The following P2RX7 variants were observed in gnomAD, a reference collection of about 807,000 sequenced individuals.
P2RX7 encodes the protein P2X purinoceptor 7.
A neutral mutation model predicts 71.6 loss-of-function variants in P2RX7; 62 were observed. That is an observed-to-expected ratio of 0.87 (90% CI 0.71 to 1.07). P2RX7 has a LOEUF of 1.07. Among genes scored for constraint, P2RX7 ranks in the 50% least tolerant of loss-of-function variants. The pLI, the probability that P2RX7 is intolerant of heterozygous loss-of-function variation, is 0.00. For synonymous variants in P2RX7, 299 were observed against 283.3 expected (o/e 1.06, Z -0.56); for missense variants, 686 against 748.5 (o/e 0.92, Z 0.97).
chr12:121,170,620 C>T (rs1470702812), intron 8 of P2RX7, among the ~76,000 whole-genome samples: 2 of 152,058 alleles, frequency 1.3e-5, no homozygotes, highest in East Asian at 1.9e-4. Context: ...CCTAAAAATA[C>T]AAAAATTAGC....
chr12:121,184,676 C>A lies in P2RX7; in HGVS notation c.1662C>A (p.Ala554=), dbSNP rs200637151. The change falls in exon 13 of 13, where the codon GCC becomes GCA. Residue 554 remains alanine, a synonymous_variant. Transcript: ENST00000328963. The stretch of plus-strand genomic sequence containing the variant: ...GGCACTGTGCCTACAGGTGCTACGC[C>A]ACCTGGCGCTTCGGCTCCCAGGACA... The part of the protein sequence containing the change: ...RLRHCAYRCY[A]TWRFGSQDMA... 6.3e-7 allele frequency: 1 copy of A among 1,585,220 alleles called. No individual in the cohort carries two copies. The highest frequency in any genetic ancestry group is 1.1e-5 in the South Asian group (1 of 87,758).
chr12:121,178,900 A>G (rs549843003), intron 11 of P2RX7, among the ~76,000 whole-genome samples: 3 of 152,092 alleles, frequency 2.0e-5, no homozygotes, highest in Non-Finnish European at 4.4e-5. Flanking sequence ...TATATGATAT[A>G]TAGGTTAAAA....
chr12:121,140,741 C>T (rs182610593), intron 1 of P2RX7, among the ~76,000 whole-genome samples: 36 of 152,036 alleles, frequency 2.4e-4, no homozygotes, highest in African/African-American at 8.0e-4. Context: ...ACTGCACCCT[C>T]GCCTGGGTGA....
At chr12:121,144,437 G>A (rs183283) in intron 1 of P2RX7, among the ~76,000 whole-genome samples, 63,859 of 151,954 alleles carry the variant, frequency 0.42, 16,944 homozygotes, top group African/African-American at 0.76. Flanking sequence ...ACTTCAAATG[G>A]GCCACCCGCC....
Position 121,187,478 on chromosome 12 carries a change from A to G in P2RX7, c.*2676A>G, listed in dbSNP as rs1041942074. The G allele has an allele frequency of 2.0e-5, 3 of 152,138 alleles. No individual in the cohort carries two copies. Among genetic ancestry groups the G allele is most frequent in the Non-Finnish European group, 4.4e-5 (3 of 68,024 alleles). The allele number at this position is 152,138 out of a possible 1,614,324, so 9.4% of individuals were successfully genotyped here. ...TTCACGAATTCTATGTCACTGTTAC[A>G]AGTTTCCATTCTGATGGCTTCTGGG... On this transcript the variant is annotated 3_prime_UTR_variant, in exon 13 of 13. Transcript: ENST00000328963.
At position 121,185,649 on chromosome 12, in the gene P2RX7, A is replaced by G. The variant is rs1397349819; in HGVS notation, c.*847A>G. 2.0e-5 allele frequency: 3 copies of G among 152,584 alleles called. No homozygotes were observed. Among genetic ancestry groups the G allele is most frequent in the Non-Finnish European group, 2.9e-5 (2 of 68,036 alleles). 9.5% of individuals were successfully genotyped at this position (152,584 alleles called of 1,614,324 possible). On this transcript the variant is annotated 3_prime_UTR_variant, in exon 13 of 13. Transcript: ENST00000328963. ...TGGGTGGCTCTGATTGCTTTATCCA[A>G]AAGTGGAAGTGACATTGTGTCAGTT...
intron 6 of P2RX7, 109 bp from the exon 7 acceptor site, chr12:121,165,949 T>G: frequency 8.4e-7 from 1 of 1,189,748 alleles, no homozygotes; most frequent in Non-Finnish European, 1.2e-6. Flanking sequence ...CAGTGATCAT[T>G]TGGGGCTTTC....
intron 7 of P2RX7, 128 bp from the exon 8 acceptor site, chr12:121,167,360 C>T (rs1354490224): frequency 2.9e-6 from 3 of 1,035,128 alleles, no homozygotes; most frequent in Non-Finnish European, 4.3e-6. Flanking sequence ...TGGGGCTGTA[C>T]ATATGGTTCT....
intron 5 of P2RX7, among the ~76,000 whole-genome samples, chr12:121,163,178 T>C (rs1040932836): frequency 1.3e-5 from 2 of 152,138 alleles, no homozygotes; most frequent in African/African-American, 4.8e-5. Context: ...TGTGTGTCCT[T>C]GGGAAAATGG....
intron 12 of P2RX7, 33 bp from the exon 13 acceptor site, chr12:121,184,272 A>G (rs894083121): frequency 7.1e-6 from 11 of 1,542,272 alleles, no homozygotes; most frequent in Non-Finnish European, 9.6e-6. Flanking sequence ...AGGGCTTGTC[A>G]TGGCTAATAG....
In P2RX7 at chr12:121,154,880, A is replaced by T; in HGVS notation, c.221A>T (p.Glu74Val). The change falls in exon 2 of 13, where the codon GAG (glutamate) becomes GTG (valine). Residue 74 changes from glutamate to valine, a missense_variant. Coordinates refer to ENST00000328963, the MANE Select transcript of P2RX7 (RefSeq NM_002562.6). The surrounding 1 kb of genome is among the most constrained non-coding windows in gnomAD (Gnocchi z 4.2). ...KVKGIAEVKE[E>V]IVENGVKKLV... ...AAGGGGATAGCAGAGGTGAAAGAGG[A>T]GATCGTGGAGAATGGAGTGAAGAAG... is the stretch of plus-strand genomic sequence containing the variant. 6.2e-7 allele frequency: 1 copy of T among 1,614,168 alleles called. No individual in the cohort carries two copies. Among genetic ancestry groups the T allele is most frequent in the Non-Finnish European group, 8.5e-7 (1 of 1,180,010 alleles).
intron 1 of P2RX7, among the ~76,000 whole-genome samples, chr12:121,140,086 C>T (rs1006190845): frequency 1.3e-5 from 2 of 152,170 alleles, no homozygotes; most frequent in African/African-American, 4.8e-5. Context: ...CATTCTCATC[C>T]CACCCTTGAC....
At chr12:121,166,337 A>C (rs1593098160) in intron 7 of P2RX7, 150 bp downstream of exon 7, 70 of 767,340 alleles carry the variant, frequency 9.1e-5, no homozygotes, top group Middle Eastern at 3.6e-4. Context: ...TAAGGACTTT[A>C]CCTACCATAC....
chr12:121,152,189 C>A (rs1877582778), intron 1 of P2RX7, among the ~76,000 whole-genome samples: 1 of 152,120 alleles, frequency 6.6e-6, no homozygotes, highest in African/African-American at 2.4e-5. Flanking sequence ...CCATGTTGGT[C>A]ATGCTGGTCC....
chr12:121,167,365 G>A, intron 7 of P2RX7, 123 bp from the exon 8 acceptor site: 1 of 1,108,168 alleles, frequency 9.0e-7, no homozygotes, highest in Non-Finnish European at 1.3e-6. Context: ...CTGTACATAT[G>A]GTTCTTCAAT....
intron 8 of P2RX7, among the ~76,000 whole-genome samples, chr12:121,173,330 C>T (rs1319620601): frequency 5.3e-5 from 8 of 152,038 alleles, no homozygotes; most frequent in African/African-American, 1.4e-4. Context: ...GGATTACAGG[C>T]GTCTGCCACC....
chr12:121,180,436 T>G lies in P2RX7; in HGVS notation c.1271T>G (p.Val424Gly). The change falls in exon 12 of 13, where the codon GTC becomes GGC. Residue 424 changes from valine (V) to glycine (G), a missense_variant. By Grantham distance (109) the Val-to-Gly change is moderately radical. Coordinates refer to ENST00000328963, the MANE Select transcript of P2RX7 (RefSeq NM_002562.6). ...CTACTAGGGAGAAGTCTGCAAGATGTCAAGGGCCAAGAAGTCCCAGTAAGT... is the reference window on the plus strand; with the variant it reads ...CTACTAGGGAGAAGTCTGCAAGATGGCAAGGGCCAAGAAGTCCCAGTAAGT... The part of the protein sequence containing the change: ...QQLLGRSLQD[V>G]KGQEVPRPAM... 6.3e-7 allele frequency: 1 copy of G among 1,591,824 alleles called. No homozygotes were observed. Among genetic ancestry groups the G allele is most frequent in the Non-Finnish European group, 8.6e-7 (1 of 1,167,540 alleles).
In P2RX7 at chr12:121,175,423, A is replaced by G. The variant is rs754931073; in HGVS notation, c.917A>G (p.Lys306Arg). 3.1e-6 allele frequency: 5 copies of G among 1,602,528 alleles called. No homozygotes were observed. Among genetic ancestry groups the G allele is most frequent in the Admixed American group, 3.3e-5 (2 of 60,006 alleles). The change falls in exon 9 of 13, where the codon AAA (lysine) becomes AGA (arginine). Residue 306 changes from lysine to arginine, a missense_variant. Coordinates refer to ENST00000328963, the MANE Select transcript of P2RX7 (RefSeq NM_002562.6). ...AKYYKENNVE[K>R]RTLIKVFGIR... The stretch of plus-strand genomic sequence containing the variant: ...TACTACAAGGAAAACAATGTTGAGA[A>G]ACGGACTCTGATAAAAGTCTTCGGG...
Position 121,132,957 on chromosome 12 carries a change from G to T in P2RX7, c.-14G>T. The T allele has an allele frequency of 6.2e-7, 1 of 1,613,210 alleles. No individual in the cohort carries two copies. Among genetic ancestry groups the T allele is most frequent in the African/African-American group, 1.3e-5 (1 of 75,002 alleles). ...GCTCTGGTCCAGCTCCGCGCAGGGA[G>T]GGAGGCTGTCACCATGCCGGCCTGC... On this transcript the variant is annotated 5_prime_UTR_variant, in exon 1 of 13. The change creates a new upstream start codon in the 5' untranslated region. Transcript: ENST00000328963.
Sources: allele counts gnomAD v4.1 joint callset (sites outside exome capture counted in the v4.1 genomes callset), GRCh38; gene constraint gnomAD v4.1.1; non-coding constraint Gnocchi (gnomAD v3.1); transcripts MANE v1.5; gene names NCBI Gene and HGNC (gene_info 2026-07-23, HGNC 2026-07-21).